Variants in KLB observed in about 807,000 individuals in gnomAD.
KLB encodes beta-klotho.
Under a neutral mutation model 88.4 loss-of-function variants are expected in KLB, and 44 were observed. That is an observed-to-expected ratio of 0.50 (90% CI 0.39 to 0.64). KLB has a LOEUF of 0.64. Ranked by LOEUF, KLB falls within the 30% of genes least tolerant of loss-of-function variation. The pLI is 0.00. For synonymous variants in KLB, 548 were observed against 513.4 expected (o/e 1.07, Z -0.91); for missense variants, 1,137 against 1,304.8 (o/e 0.87, Z 1.98).
chr4:39,445,506 T>TTTC (rs1393440547), intron 3 of KLB, among the ~76,000 whole-genome samples: 15 of 138,076 alleles, frequency 1.1e-4, no homozygotes, highest in East Asian at 7.1e-4. Flanking sequence ...TTTCTTTTCT[T>TTTC]TTTTTTTTTT....
rs1743518124 is a variant in KLB, at chr4:39,437,956, C to A, written c.1566C>A (p.Pro522=). The change falls in exon 3 of 5, where the codon CCC becomes CCA. Residue 522 remains proline (P), a synonymous_variant. Transcript: ENST00000257408. ...ESTPDVQGQF[P]CDFSWGVTES... ...CGCCAGATGTGCAGGGCCAGTTTCC[C>A]TGTGACTTCTCCTGGGGTGTCACTG... The A allele has an allele frequency of 6.2e-7, 1 of 1,614,070 alleles. No homozygotes were observed. The highest frequency in any genetic ancestry group is 1.3e-5 in the African/African-American group (1 of 74,936).
intron 1 of KLB, among the ~76,000 whole-genome samples, chr4:39,410,819 T>C (rs1319281984): frequency 1.3e-5 from 2 of 152,170 alleles, no homozygotes; most frequent in African/African-American, 2.4e-5. Context: ...AAAGGTTTCA[T>C]AGTGGCTATT....
In KLB at chr4:39,450,488, G is replaced by C. The variant is rs1022229792; in HGVS notation, c.*1802G>C. 2 of 152,152 alleles carry C rather than the reference G, an allele frequency of 1.3e-5. No individual in the cohort carries two copies. Among genetic ancestry groups the C allele is most frequent in the African/African-American group, 4.8e-5 (2 of 41,434 alleles). 9.4% of individuals were successfully genotyped at this position (152,152 alleles called of 1,614,324 possible). ...AGTCAATTTGAGTAAATGCAAATAT[G>C]ATGAGAAATCAATTTGCTATTTGGC... On this transcript the variant is annotated 3_prime_UTR_variant, in exon 5 of 5. Transcript: ENST00000257408.
At chr4:39,444,445 A>C (rs1243522363) in intron 3 of KLB, among the ~76,000 whole-genome samples, 2 of 152,142 alleles carry the variant, frequency 1.3e-5, no homozygotes, top group African/African-American at 2.4e-5. Context: ...GCCCACCTTC[A>C]TCTCATTCTT....
intron 1 of KLB, among the ~76,000 whole-genome samples, chr4:39,422,912 G>A (rs931659788): frequency 7.4e-5 from 11 of 148,442 alleles, no homozygotes; most frequent in African/African-American, 1.3e-4. Context: ...GACTACAGGC[G>A]CATGCCACAA....
At chr4:39,426,940 C>G (rs535436867) in intron 1 of KLB, among the ~76,000 whole-genome samples, 1 of 152,150 alleles carries the variant, frequency 6.6e-6, no homozygotes, top group Non-Finnish European at 1.5e-5. Context: ...CCTCCCACCT[C>G]AGCCTCCCAA....
intron 3 of KLB, among the ~76,000 whole-genome samples, chr4:39,439,102 A>G (rs1378860158): frequency 6.6e-6 from 1 of 151,422 alleles, no homozygotes; most frequent in Non-Finnish European, 1.5e-5. Flanking sequence ...TCCTGGCCTC[A>G]AGTGATCGTC....
chr4:39,437,622 A>T (rs542856581), intron 2 of KLB, 105 bp from the exon 3 acceptor site: 7 of 1,303,794 alleles, frequency 5.4e-6, no homozygotes, highest in Non-Finnish European at 7.4e-6. Flanking sequence ...ATTAGGGCAA[A>T]GGTTCGTTTT....
chr4:39,411,403 T>A (rs1347604334), intron 1 of KLB, among the ~76,000 whole-genome samples: 1 of 142,952 alleles, frequency 7.0e-6, no homozygotes, highest in Non-Finnish European at 1.5e-5. Flanking sequence ...GCAGTGGCGC[T>A]ATCTCGGCTC....
At chr4:39,413,025 G>A (rs2109819917) in intron 1 of KLB, among the ~76,000 whole-genome samples, 1 of 152,240 alleles carries the variant, frequency 6.6e-6, no homozygotes. Flanking sequence ...AAGCAAAAAG[G>A]GGCAATTTCC....
In KLB at chr4:39,448,310, T is replaced by C. The variant is rs144867386; in HGVS notation, c.2759T>C (p.Ile920Thr). Residue 920 changes from isoleucine (I) to threonine (T), a missense_variant, in exon 5 of 5, where the codon ATT becomes ACT. By Grantham distance (89) the Ile-to-Thr change is moderately conservative (BLOSUM62 -1). Coordinates refer to ENST00000257408, the MANE Select transcript of KLB (RefSeq NM_175737.4). ...YLQEVLKAYL[I>T]DKVRIKGYYA... is the part of the protein sequence containing the mutation. ...TTCTTATCTTTTTCAGCATACCTGA[T>C]TGATAAAGTCAGAATCAAAGGCTAT... 86 of 1,586,806 alleles carry C rather than the reference T, an allele frequency of 5.4e-5. No individual in the cohort carries two copies. The African/African-American group carries it at 9.4e-4, about 17-fold the overall frequency.
chr4:39,436,510 A>G (rs1341821809), intron 2 of KLB, among the ~76,000 whole-genome samples: 1 of 152,164 alleles, frequency 6.6e-6, no homozygotes, highest in Non-Finnish European at 1.5e-5. Flanking sequence ...AGAGCCTGTT[A>G]AACATATTTA....
Position 39,446,764 on chromosome 4 carries a change from G to T in KLB, c.2038G>T (p.Glu680Ter). The change falls in exon 4 of 5, where the codon GAG becomes TAG. Residue 680 changes from glutamate to a stop codon, truncating the protein, a stop_gained. Transcript: ENST00000257408. LOFTEE classifies it high-confidence loss of function. This position sits in a 1 kb window ranked among gnomAD's most constrained non-coding sequence, Gnocchi z 6.4. Reference sequence around the variant, plus strand: ...GGCCTACGCTGGGCTGTGCTTCCAGGAGCTGGGGGACCTGGTGAAGCTCTG... The same window carrying T: ...GGCCTACGCTGGGCTGTGCTTCCAGTAGCTGGGGGACCTGGTGAAGCTCTG... ...FQAYAGLCFQ[E>*]LGDLVKLWIT... 1 of 1,607,800 alleles carries T rather than the reference G, an allele frequency of 6.2e-7. No individual in the cohort carries two copies. Among genetic ancestry groups the T allele is most frequent in the South Asian group, 1.1e-5 (1 of 89,996 alleles).
intron 3 of KLB, among the ~76,000 whole-genome samples, chr4:39,442,496 C>T (rs570587298): frequency 1.3e-4 from 19 of 149,538 alleles, no homozygotes; most frequent in East Asian, 4.0e-4. Flanking sequence ...TGCAATGGCG[C>T]GATCCCAGCT....
intron 1 of KLB, among the ~76,000 whole-genome samples, chr4:39,425,706 T>G (rs944479180): frequency 1.3e-5 from 2 of 152,198 alleles, no homozygotes; most frequent in African/African-American, 2.4e-5. Context: ...CCTCCCAAAG[T>G]GCCAGGATTA....
intron 1 of KLB, among the ~76,000 whole-genome samples, chr4:39,430,476 T>C (rs892534640): frequency 6.7e-6 from 1 of 149,452 alleles, no homozygotes; most frequent in Non-Finnish European, 1.5e-5. Context: ...CCGGAAAGAA[T>C]AGCTGAAACC....
At position 39,407,559 on chromosome 4, in the gene KLB, G is replaced by A. The variant is rs759360940; in HGVS notation, c.610G>A (p.Glu204Lys). 9.3e-6 allele frequency: 15 copies of A among 1,613,906 alleles called. No individual in the cohort carries two copies. Among genetic ancestry groups the A allele is most frequent in the Non-Finnish European group, 1.3e-5 (15 of 1,179,928 alleles). ...YHWDLPLALQ[E>K]KYGGWKNDTI... is the part of the protein sequence containing the mutation. ...CTGGGATTTGCCTTTGGCACTACAA[G>A]AAAAATATGGGGGGTGGAAAAATGA... Residue 204 changes from glutamate (E) to lysine (K), a missense_variant, in exon 1 of 5, where the codon GAA becomes AAA. Transcript: ENST00000257408.
At chr4:39,439,449 C>T (rs1054439079) in intron 3 of KLB, among the ~76,000 whole-genome samples, 3 of 133,002 alleles carry the variant, frequency 2.3e-5, no homozygotes, top group South Asian at 2.3e-4. Context: ...TTTTTTGTTG[C>T]TGTTGTTTTT....
chr4:39,447,237 C>T lies in KLB; in HGVS notation c.2511C>T (p.Ala837=). ...TTRFVMHEQL[A]GSRYDSDRDI... Reference sequence around the variant, plus strand: ...GGTTCGTGATGCACGAGCAGCTGGCCGGCAGCCGCTACGACTCGGACAGGG... The same window carrying T: ...GGTTCGTGATGCACGAGCAGCTGGCTGGCAGCCGCTACGACTCGGACAGGG... Residue 837 remains alanine (A), a synonymous_variant, in exon 4 of 5, where the codon GCC becomes GCT. Transcript: ENST00000257408. The T allele has an allele frequency of 6.2e-7, 1 of 1,614,056 alleles. No individual in the cohort carries two copies. The highest frequency in any genetic ancestry group is 8.5e-7 in the Non-Finnish European group (1 of 1,180,034).
Sources: gnomAD v4.1 joint callset for allele counts (sites outside exome capture counted in the v4.1 genomes callset) on GRCh38, gnomAD v4.1.1 for gene constraint, Gnocchi (gnomAD v3.1) non-coding constraint, MANE v1.5 for transcripts, NCBI Gene and HGNC (gene_info 2026-07-23, HGNC 2026-07-21) for gene names.